Variants in CDYL observed in about 807,000 individuals in gnomAD.
CDYL encodes the protein chromodomain Y-like protein.
CDYL carries 8 observed loss-of-function variants against 47.3 expected under a neutral mutation model. That is an observed-to-expected ratio of 0.17 (90% confidence interval 0.10 to 0.31). The LOEUF is 0.31. Ranked by LOEUF, CDYL falls within the 10% of genes least tolerant of loss-of-function variation. The pLI is 1.00. For missense variants in CDYL, 471 were observed against 701.4 expected, an observed-to-expected ratio of 0.67 and a Z score of 3.71; for synonymous variants, 266 against 265.0, an observed-to-expected ratio of 1.00 and a Z score of -0.04.
intron 3 of CDYL, among the ~76,000 whole-genome samples, chr6:4,756,347 G>A (rs1758074096): frequency 1.3e-5 from 2 of 152,026 alleles, no homozygotes; most frequent in South Asian, 4.1e-4. Flanking sequence ...ACACTGCTTG[G>A]AATAGGCATT....
chr6:4,847,140 C>A (rs533213058), intron 1 of CDYL, among the ~76,000 whole-genome samples: 1 of 152,194 alleles, frequency 6.6e-6, no homozygotes, highest in Non-Finnish European at 1.5e-5. Flanking sequence ...CTAACTATTG[C>A]GTGCACCAAA....
At chr6:4,894,519 GTTCACACATAAAGT>G (rs1762139340) in intron 2 of CDYL, among the ~76,000 whole-genome samples, 2 of 152,184 alleles carry the variant, frequency 1.3e-5, no homozygotes, top group Admixed American at 6.5e-5. Flanking sequence ...AGATTTCTGT[GTTCACACATAAAGT>G]TTTCTTGGAA....
At chr6:4,808,427 C>T (rs913588194) in intron 1 of CDYL, among the ~76,000 whole-genome samples, 9 of 152,174 alleles carry the variant, frequency 5.9e-5, no homozygotes, top group African/African-American at 1.7e-4. Flanking sequence ...ATCCATACTC[C>T]GCTGTCTGTA....
chr6:4,933,100 T>C (rs77676777), intron 2 of CDYL, among the ~76,000 whole-genome samples: 2,780 of 152,340 alleles, frequency 0.018, 80 homozygotes, highest in African/African-American at 0.064. Flanking sequence ...ATTGCCTTCC[T>C]GCTTCTCTGC....
intron 1 of CDYL, among the ~76,000 whole-genome samples, chr6:4,868,110 T>G (rs1223604324): frequency 1.3e-5 from 2 of 151,902 alleles, no homozygotes; most frequent in Non-Finnish European, 2.9e-5. Context: ...CTGAATTGAT[T>G]TATACTTGGA....
chr6:4,935,861 C>G, intron 3 of CDYL, 90 bp downstream of exon 3: 1 of 1,554,686 alleles, frequency 6.4e-7, no homozygotes, highest in Admixed American at 1.9e-5. Flanking sequence ...TTCCTGTGCT[C>G]TTTCTAAACC....
chr6:4,842,185 TTAATATAAA>T (rs918623553), intron 1 of CDYL, among the ~76,000 whole-genome samples: 44 of 143,800 alleles, frequency 3.1e-4, no homozygotes, highest in South Asian at 8.5e-4. Flanking sequence ...TAATAAATTA[TTAATATAAA>T]TAATATAAAT....
intron 2 of CDYL, among the ~76,000 whole-genome samples, chr6:4,731,070 C>T (rs1757596916): frequency 6.6e-6 from 1 of 152,226 alleles, no homozygotes; most frequent in Non-Finnish European, 1.5e-5. Flanking sequence ...CATTCCGTAA[C>T]GATGCTCAGC....
chr6:4,778,888 A>AC (rs1232250711), intron 1 of CDYL, among the ~76,000 whole-genome samples: 3 of 152,108 alleles, frequency 2.0e-5, no homozygotes, highest in African/African-American at 7.2e-5. Context: ...CCAGTTAGTG[A>AC]CTTCCAACTC....
intron 2 of CDYL, among the ~76,000 whole-genome samples, chr6:4,729,828 G>A (rs1757574182): frequency 6.6e-6 from 1 of 152,086 alleles, no homozygotes; most frequent in Non-Finnish European, 1.5e-5. Context: ...TGAGGTGGGA[G>A]AATCACTTGG....
intron 1 of CDYL, among the ~76,000 whole-genome samples, chr6:4,871,380 G>A (rs1761468412): frequency 6.6e-6 from 1 of 152,196 alleles, no homozygotes; most frequent in African/African-American, 2.4e-5. Context: ...GCCCCAAAAA[G>A]TTTTGGATTT....
chr6:4,745,423 T>G (rs1757875207), intron 3 of CDYL, among the ~76,000 whole-genome samples: 1 of 152,010 alleles, frequency 6.6e-6, no homozygotes, highest in Non-Finnish European at 1.5e-5. Flanking sequence ...CCTCTTTCCC[T>G]CCCTCCTTTC....
At chr6:4,720,886 C>T (rs1233225690) in intron 2 of CDYL, among the ~76,000 whole-genome samples, 1 of 152,152 alleles carries the variant, frequency 6.6e-6, no homozygotes, top group African/African-American at 2.4e-5. Flanking sequence ...AGTATGATAG[C>T]TGTTAATATT....
intron 2 of CDYL, among the ~76,000 whole-genome samples, chr6:4,921,125 T>G (rs1049716194): frequency 2.0e-5 from 3 of 152,202 alleles, no homozygotes; most frequent in African/African-American, 7.2e-5. Flanking sequence ...AAGGTCAGTT[T>G]CAGCTTCAGG....
At chr6:4,880,671 A>G (rs957553309) in intron 1 of CDYL, among the ~76,000 whole-genome samples, 5 of 152,228 alleles carry the variant, frequency 3.3e-5, no homozygotes, top group Non-Finnish European at 1.5e-5. Context: ...GGGCCTTTCT[A>G]TTGCTCCACA....
At chr6:4,812,100 G>A (rs950439117) in intron 1 of CDYL, among the ~76,000 whole-genome samples, 3 of 152,232 alleles carry the variant, frequency 2.0e-5, no homozygotes, top group African/African-American at 7.2e-5. Flanking sequence ...TTGGTGATTT[G>A]TAGGGACATG....
intron 2 of CDYL, among the ~76,000 whole-genome samples, chr6:4,926,322 TAAC>T (rs141531216): frequency 0.025 from 3,868 of 152,320 alleles, 176 homozygotes; most frequent in African/African-American, 0.087. Context: ...TATATGTAAA[TAAC>T]AATATTTTGA....
At chr6:4,781,755 T>C (rs2127430682) in intron 1 of CDYL, among the ~76,000 whole-genome samples, 1 of 152,350 alleles carries the variant, frequency 6.6e-6, no homozygotes, top group African/African-American at 2.4e-5. Flanking sequence ...GGCAACACTT[T>C]CTTCGCATTG....
intron 2 of CDYL, among the ~76,000 whole-genome samples, chr6:4,933,344 C>T (rs1758087201): frequency 6.6e-6 from 1 of 152,332 alleles, no homozygotes; most frequent in Non-Finnish European, 1.5e-5. Context: ...ATCTCTCCCT[C>T]GCCTCCTCCC....
Sources: allele counts gnomAD v4.1 joint callset (sites outside exome capture counted in the v4.1 genomes callset), GRCh38; gene constraint gnomAD v4.1.1; transcripts MANE v1.5; gene names NCBI Gene and HGNC (gene_info 2026-07-23, HGNC 2026-07-21).